RBFOX1: variants seen among roughly 807,000 people sequenced by gnomAD.
The protein encoded by RBFOX1 is RNA binding protein fox-1 homolog 1.
Under a neutral mutation model 57.7 loss-of-function variants are expected in RBFOX1, and 8 were observed. That is an observed-to-expected ratio of 0.14 (90% confidence interval 0.08 to 0.25). The LOEUF is 0.25. Ranked by LOEUF, RBFOX1 falls within the 10% of genes least tolerant of loss-of-function variation. The pLI is 1.00. For missense variants in RBFOX1, 611 were observed against 548.5 expected (o/e 1.11, Z -1.14); for synonymous variants, 326 against 222.4 (o/e 1.47, Z -4.15).
Position 6,021,883 on chromosome 16 carries a change from TG to T in RBFOX1, c.-127+1893del, listed in dbSNP as rs2095086761. ...AAAGCACTAAACATTTAGAACAGTT[TG>T]GCACATGGTAAGTGCCTGAATTCTA... On this transcript the variant is annotated intron_variant, in intron 1 of 15. Transcript: ENST00000550418. Among the ~76,000 whole-genome samples, 6 of 152,364 alleles carry T rather than the reference TG, an allele frequency of 3.9e-5. No individual in the cohort carries two copies. In the South Asian group the frequency reaches 1.0e-3, roughly 26 times the overall value.
At chr16:6,428,789 C>A (rs1471386008) in intron 2 of RBFOX1, among the ~76,000 whole-genome samples, 1 of 152,122 alleles carries the variant, frequency 6.6e-6, no homozygotes, top group Non-Finnish European at 1.5e-5. Context: ...CTATATAATA[C>A]AAGAAGTTCA....
chr16:6,984,114 G>A (rs893184351), intron 3 of RBFOX1, among the ~76,000 whole-genome samples: 1 of 152,128 alleles, frequency 6.6e-6, no homozygotes, highest in Non-Finnish European at 1.5e-5. Flanking sequence ...GAGTATGATG[G>A]CAGGCGCTTG....
intron 3 of RBFOX1, among the ~76,000 whole-genome samples, chr16:7,006,717 G>T (rs1344722066): frequency 6.6e-6 from 1 of 152,046 alleles, no homozygotes; most frequent in Non-Finnish European, 1.5e-5. Context: ...CAATGTGCTG[G>T]GATTACGGAC....
At chr16:5,599,368 G>A (rs941862278) in exon 3 of RBFOX1, 1 of 600,100 alleles carries the variant, frequency 1.7e-6, no homozygotes, top group Non-Finnish European at 3.0e-6. Context: ...TGCTTACTGA[G>A]TGCTCTGGGG....
At chr16:5,655,385 A>G (rs574746814) in intron 3 of RBFOX1, among the ~76,000 whole-genome samples, 1 of 152,332 alleles carries the variant, frequency 6.6e-6, no homozygotes, top group African/African-American at 2.4e-5. Flanking sequence ...CAAGCATCAC[A>G]GACTTTCTCC....
At chr16:6,639,316 T>C (rs1299272190) in intron 2 of RBFOX1, among the ~76,000 whole-genome samples, 2 of 152,162 alleles carry the variant, frequency 1.3e-5, no homozygotes, top group African/African-American at 4.8e-5. Context: ...AATAGTTTCG[T>C]TGAGTCCTTG....
At chr16:5,884,891 G>T (rs1370478279) in intron 4 of RBFOX1, among the ~76,000 whole-genome samples, 1 of 152,144 alleles carries the variant, frequency 6.6e-6, no homozygotes, top group African/African-American at 2.4e-5. Flanking sequence ...CTCCCATTTT[G>T]CCATAGTCTG....
At chr16:7,277,454 A>T (rs901282101) in intron 4 of RBFOX1, among the ~76,000 whole-genome samples, 2 of 152,212 alleles carry the variant, frequency 1.3e-5, no homozygotes, top group African/African-American at 4.8e-5. Context: ...AGCTATTCTA[A>T]TAATCAAAGC....
At chr16:5,581,022 A>G (rs908612189) in intron 2 of RBFOX1, among the ~76,000 whole-genome samples, 1 of 152,210 alleles carries the variant, frequency 6.6e-6, no homozygotes, top group Non-Finnish European at 1.5e-5. Flanking sequence ...CAGTGTGCAC[A>G]GACCTGGGAT....
At chr16:7,193,211 A>G (rs1308302953) in intron 4 of RBFOX1, among the ~76,000 whole-genome samples, 1 of 152,202 alleles carries the variant, frequency 6.6e-6, no homozygotes, top group East Asian at 1.9e-4. Flanking sequence ...CAGAAGAGAG[A>G]GAGTATCAGA....
chr16:5,708,505 T>A (rs186882612), intron 3 of RBFOX1, among the ~76,000 whole-genome samples: 1 of 152,196 alleles, frequency 6.6e-6, no homozygotes, highest in Non-Finnish European at 1.5e-5. Context: ...GCTGGATCTG[T>A]GTCTTCCATC....
At chr16:7,413,047 AAAATAAAAAT>A (rs1418171645) in intron 4 of RBFOX1, among the ~76,000 whole-genome samples, 1 of 152,080 alleles carries the variant, frequency 6.6e-6, no homozygotes, top group African/African-American at 2.4e-5. Context: ...GTCTCAAAAC[AAAATAAAAAT>A]AAATAAAAAT....
At chr16:6,935,356 C>T (rs115210173) in intron 3 of RBFOX1, among the ~76,000 whole-genome samples, 1,885 of 152,216 alleles carry the variant, frequency 0.012, 37 homozygotes, top group African/African-American at 0.043. Context: ...ATCTCCCTCC[C>T]CATGAATAGA....
intron 3 of RBFOX1, among the ~76,000 whole-genome samples, chr16:6,911,502 G>A (rs973561952): frequency 6.6e-6 from 1 of 152,082 alleles, no homozygotes; most frequent in African/African-American, 2.4e-5. Context: ...CTCCCCATAA[G>A]CATGTCTGTC....
At chr16:6,932,260 C>A (rs912920066) in intron 3 of RBFOX1, among the ~76,000 whole-genome samples, 1 of 152,062 alleles carries the variant, frequency 6.6e-6, no homozygotes, top group Non-Finnish European at 1.5e-5. Context: ...TGCACCACCA[C>A]ACCTGGCTAA....
intron 2 of RBFOX1, among the ~76,000 whole-genome samples, chr16:6,392,050 C>T (rs2092628261): frequency 6.6e-6 from 1 of 152,080 alleles, no homozygotes; most frequent in Non-Finnish European, 1.5e-5. Context: ...TAAGAGGAAA[C>T]CGTAGGAGAT....
chr16:7,617,690 G>A (rs990143075), intron 10 of RBFOX1, among the ~76,000 whole-genome samples: 5 of 151,970 alleles, frequency 3.3e-5, no homozygotes, highest in Non-Finnish European at 5.9e-5. Flanking sequence ...TTATAGTATC[G>A]GGCGCTAGAC....
intron 4 of RBFOX1, among the ~76,000 whole-genome samples, chr16:7,322,916 C>T (rs1007039940): frequency 6.6e-6 from 1 of 152,166 alleles, no homozygotes; most frequent in Non-Finnish European, 1.5e-5. Flanking sequence ...CCATGTACCT[C>T]TGACTTTCTC....
intron 3 of RBFOX1, among the ~76,000 whole-genome samples, chr16:5,790,874 G>GTTT (rs199561677): frequency 1.5e-5 from 2 of 137,820 alleles, no homozygotes; most frequent in Non-Finnish European, 1.6e-5. Flanking sequence ...TTTTTTTTTT[G>GTTT]TTTTTTTTTT....
Sources: allele counts gnomAD v4.1 joint callset (sites outside exome capture counted in the v4.1 genomes callset), GRCh38; gene constraint gnomAD v4.1.1; transcripts MANE v1.5; gene names NCBI Gene and HGNC (gene_info 2026-07-23, HGNC 2026-07-21).